LAMA2: variants seen among roughly 807,000 people sequenced by gnomAD.
LAMA2 encodes laminin subunit alpha 2.
In LAMA2, 269 loss-of-function variants were observed where a neutral mutation model predicts 364.8. The ratio of observed to expected loss-of-function variants is 0.74; its 90% confidence interval spans 0.67 to 0.82. The LOEUF is 0.82. LAMA2 is among the 40% of genes least tolerant of loss of function. The probability of loss-of-function intolerance (pLI) is 0.00; values close to 1 mark genes in which losing one functional copy is unlikely to be tolerated. For synonymous variants in LAMA2, 1,379 were observed against 1,370.6 expected, an observed-to-expected ratio of 1.01 and a Z score of -0.14; for missense variants, 3,807 against 3,873.2, an observed-to-expected ratio of 0.98 and a Z score of 0.45.
chr6:129,366,361 G>C lies in LAMA2; in HGVS notation c.4860G>C (p.Lys1620Asn). 2 of 1,613,472 alleles carry C rather than the reference G, an allele frequency of 1.2e-6. No homozygotes were observed. Among genetic ancestry groups the C allele is most frequent in the Non-Finnish European group, 1.7e-6 (2 of 1,179,906 alleles). ...TTGAAAATATGACTCAGGAGCTAAA[G>C]GTAGGTTGGTGCAGTCACAAGCAAG... ...YGLENMTQEL[K>N]HLLSPQRAPE... Residue 1620 changes from lysine (K) to asparagine (N), a missense_variant and splice_region_variant, in exon 33 of 65, where the codon AAG (lysine) becomes AAC (asparagine). Transcript: ENST00000421865.
At chr6:128,914,943 T>A (rs1031393327) in intron 1 of LAMA2, among the ~76,000 whole-genome samples, 1 of 152,154 alleles carries the variant, frequency 6.6e-6, no homozygotes, top group African/African-American at 2.4e-5. Flanking sequence ...GCAAAAATAT[T>A]ACTTCTTCAA....
chr6:129,138,066 TG>T (rs1008039909), intron 4 of LAMA2, among the ~76,000 whole-genome samples: 3 of 151,852 alleles, frequency 2.0e-5, no homozygotes, highest in African/African-American at 7.3e-5. Context: ...ACAGAAAAGG[TG>T]TTTGAGGAAA....
intron 4 of LAMA2, among the ~76,000 whole-genome samples, chr6:129,143,316 A>T (rs2114957707): frequency 6.7e-6 from 1 of 149,752 alleles, no homozygotes; most frequent in South Asian, 2.1e-4. Flanking sequence ...TTGACCTATT[A>T]ATTACTAAAA....
intron 1 of LAMA2, among the ~76,000 whole-genome samples, chr6:128,996,626 A>G (rs1449458378): frequency 1.3e-5 from 2 of 152,236 alleles, no homozygotes; most frequent in East Asian, 1.9e-4. Flanking sequence ...TCAGGAAACA[A>G]CAGATGCTGG....
intron 31 of LAMA2, among the ~76,000 whole-genome samples, chr6:129,351,682 A>G (rs1310315018): frequency 6.6e-6 from 1 of 152,168 alleles, no homozygotes; most frequent in Non-Finnish European, 1.5e-5. Context: ...TATCCCTGTA[A>G]TATAGAAACC....
intron 1 of LAMA2, among the ~76,000 whole-genome samples, chr6:128,932,795 A>G (rs35256495): frequency 0.072 from 10,934 of 152,266 alleles, 459 homozygotes; most frequent in South Asian, 0.12. Context: ...AAATTAATTA[A>G]TACGTGTATC....
intron 4 of LAMA2, among the ~76,000 whole-genome samples, chr6:129,103,031 G>A (rs1775606591): frequency 6.6e-6 from 1 of 152,220 alleles, no homozygotes; most frequent in Non-Finnish European, 1.5e-5. Context: ...TGTCAAAAGA[G>A]CTGCTCAGTC....
intron 1 of LAMA2, among the ~76,000 whole-genome samples, chr6:129,025,758 C>T (rs1310420619): frequency 2.0e-5 from 3 of 152,094 alleles, no homozygotes; most frequent in Non-Finnish European, 4.4e-5. Flanking sequence ...CATGTGGGTG[C>T]TTTTGCTCAT....
intron 12 of LAMA2, among the ~76,000 whole-genome samples, chr6:129,247,922 C>G (rs1462122785): frequency 2.0e-5 from 3 of 152,036 alleles, no homozygotes; most frequent in African/African-American, 7.2e-5. Context: ...TTATTTGTTC[C>G]TCTTTTCCCC....
rs968787557 is a variant in LAMA2, at chr6:129,278,506, C to CT, written c.2451-1546dup. 8.6e-5 allele frequency among the ~76,000 whole-genome samples: 13 copies of CT among 151,552 alleles called. No homozygotes were observed. In the East Asian group the frequency reaches 9.7e-4, roughly 11 times the overall value. On this transcript the variant is annotated intron_variant, in intron 17 of 64. Coordinates refer to ENST00000421865, the MANE Select transcript of LAMA2 (RefSeq NM_000426.4). The stretch of plus-strand genomic sequence containing the variant: ...CACCGGATGTGGATGAGAGGAAATC[C>CT]TTTTTTTTTATTTTATTTTAACCTG...
At chr6:128,942,319 T>C (rs972498462) in intron 1 of LAMA2, among the ~76,000 whole-genome samples, 1 of 152,144 alleles carries the variant, frequency 6.6e-6, no homozygotes, top group African/African-American at 2.4e-5. Context: ...TAACAGTACA[T>C]CACCAGATCA....
rs147928808 is a variant in LAMA2, at chr6:129,514,377, T to C, written c.8993T>C (p.Met2998Thr). 3.7e-6 allele frequency: 6 copies of C among 1,610,310 alleles called. No individual in the cohort carries two copies. The highest frequency in any genetic ancestry group is 5.1e-6 in the Non-Finnish European group (6 of 1,176,538). Residue 2998 changes from methionine to threonine, a missense_variant, in exon 64 of 65, where the codon ATG becomes ACG. Coordinates refer to ENST00000421865, the MANE Select transcript of LAMA2 (RefSeq NM_000426.4). The stretch of plus-strand genomic sequence containing the variant: ...GTTCTATTTCCTACTTTCCAGTTGA[T>C]GTTTCATGTGGACAATGGTGCGGGC... Reference protein sequence around the residue: ...MGIEMIDEKLMFHVDNGAGRF... With the variant: ...MGIEMIDEKLTFHVDNGAGRF...
intron 1 of LAMA2, among the ~76,000 whole-genome samples, chr6:129,048,464 C>CTTTA (rs1562187588): frequency 3.3e-4 from 14 of 42,364 alleles, no homozygotes; most frequent in African/African-American, 1.0e-3. Flanking sequence ...TTCTTTCTTT[C>CTTTA]TTTCTTTCTT....
At chr6:129,199,851 G>A (rs1298392290) in intron 12 of LAMA2, among the ~76,000 whole-genome samples, 1 of 152,082 alleles carries the variant, frequency 6.6e-6, no homozygotes, top group African/African-American at 2.4e-5. Context: ...GGCCAAGGTA[G>A]GTGGATCACC....
chr6:129,135,722 C>T (rs1777754366), intron 4 of LAMA2, among the ~76,000 whole-genome samples: 1 of 152,176 alleles, frequency 6.6e-6, no homozygotes, highest in Non-Finnish European at 1.5e-5. Flanking sequence ...TAATGACTTG[C>T]TCTGAAGCTA....
chr6:129,029,766 G>A (rs1397314781), intron 1 of LAMA2, among the ~76,000 whole-genome samples: 1 of 152,020 alleles, frequency 6.6e-6, no homozygotes, highest in Non-Finnish European at 1.5e-5. Flanking sequence ...GTAGCAAGTG[G>A]TAGCAAGCTA....
At chr6:129,100,895 A>AT (rs1188778560) in intron 4 of LAMA2, among the ~76,000 whole-genome samples, 1 of 152,156 alleles carries the variant, frequency 6.6e-6, no homozygotes, top group East Asian at 1.9e-4. Flanking sequence ...GCAGCATGGT[A>AT]TTTTCTAAAA....
chr6:129,192,865 CT>C lies in LAMA2; in HGVS notation c.1782+14del, dbSNP rs1222397757. On this transcript the variant is annotated intron_variant, in intron 12 of 64. Coordinates refer to ENST00000421865, the MANE Select transcript of LAMA2 (RefSeq NM_000426.4). ...ATCTGGGAAACAAAGTAAGTCCACGCTTGCTTCCCGCTATTCTGCTTTAACT... is the reference window on the plus strand; with the variant it reads ...ATCTGGGAAACAAAGTAAGTCCACGCTGCTTCCCGCTATTCTGCTTTAACT... 1 of 1,612,560 alleles carries C rather than the reference CT, an allele frequency of 6.2e-7. No homozygotes were observed. The highest frequency in any genetic ancestry group is 1.7e-5 in the Admixed American group (1 of 59,896).
chr6:129,207,918 A>C (rs1418803200), intron 12 of LAMA2, among the ~76,000 whole-genome samples: 12 of 152,314 alleles, frequency 7.9e-5, no homozygotes, highest in African/African-American at 2.4e-4. Context: ...TTTAGGGAAA[A>C]GGCTGGTTGA....
Sources: gnomAD v4.1 joint callset for allele counts (sites outside exome capture counted in the v4.1 genomes callset) on GRCh38, gnomAD v4.1.1 for gene constraint, MANE v1.5 for transcripts, NCBI Gene and HGNC (gene_info 2026-07-23, HGNC 2026-07-21) for gene names.